EIF5B: variants seen among roughly 807,000 people sequenced by gnomAD.
The protein encoded by EIF5B is eukaryotic translation initiation factor 5B.
In EIF5B, 47 loss-of-function variants were observed where a neutral mutation model predicts 147.5. The observed-to-expected ratio is 0.32, with a 90% CI of 0.25 to 0.41. EIF5B has a LOEUF of 0.41. Among genes scored for constraint, EIF5B ranks in the 10% least tolerant of loss-of-function variants. The pLI is 1.00. For synonymous variants in EIF5B, 455 were observed against 456.2 expected (o/e 1.00, Z 0.03); for missense variants, 1,064 against 1,413.2 (o/e 0.75, Z 3.96).
In EIF5B at chr2:99,400,155, T is replaced by TATC. The variant is rs1553537403; in HGVS notation, c.*746_*748dup. 11 of 152,208 alleles carry TATC rather than the reference T, an allele frequency of 7.2e-5. No homozygotes were observed. Among genetic ancestry groups the TATC allele is most frequent in the East Asian group, 1.9e-4 (1 of 5,204 alleles). The allele number at this position is 152,208 out of a possible 1,614,324, so 9.4% of individuals were successfully genotyped here. A position where few individuals can be genotyped will look rare whatever the true frequency, so the allele number is the denominator to read the frequency against. ...ACAAGAATTATCTTACAAACTAAACTATCATCACACTACCTTGTATGCCAG... is the reference window on the plus strand; with the variant it reads ...ACAAGAATTATCTTACAAACTAAACTATCATCATCACACTACCTTGTATGCCAG... On this transcript the variant is annotated 3_prime_UTR_variant, in exon 24 of 24. Transcript: ENST00000289371.
intron 12 of EIF5B, among the ~76,000 whole-genome samples, chr2:99,380,498 A>C (rs920594352): frequency 7.2e-5 from 11 of 152,124 alleles, no homozygotes; most frequent in Non-Finnish European, 1.3e-4. Flanking sequence ...TGGTTGTCCT[A>C]GTTTTGGTTG....
intron 14 of EIF5B, among the ~76,000 whole-genome samples, chr2:99,385,133 G>A (rs1347519484): frequency 1.3e-5 from 2 of 152,060 alleles, no homozygotes; most frequent in African/African-American, 4.8e-5. Context: ...CGCAACCTCT[G>A]CCTTCCGGGT....
intron 1 of EIF5B, among the ~76,000 whole-genome samples, chr2:99,350,477 G>C (rs1193530856): frequency 1.3e-5 from 2 of 151,888 alleles, no homozygotes; most frequent in African/African-American, 4.8e-5. Flanking sequence ...GCTAGTCTAA[G>C]GTGTGATATC....
At chr2:99,338,093 A>G (rs1406773439) in intron 1 of EIF5B, among the ~76,000 whole-genome samples, 3 of 152,150 alleles carry the variant, frequency 2.0e-5, no homozygotes, top group Admixed American at 1.3e-4. Context: ...TCTCAACTTA[A>G]TCTGATTTGG....
At chr2:99,380,904 T>C (rs1674674194) in intron 12 of EIF5B, among the ~76,000 whole-genome samples, 1 of 152,240 alleles carries the variant, frequency 6.6e-6, no homozygotes, top group Non-Finnish European at 1.5e-5. Context: ...GGAAAGTCAT[T>C]GGCCACATAT....
chr2:99,337,636 G>GGAGT (rs1284676012), intron 1 of EIF5B, 47 bp downstream of exon 1: 17 of 1,580,572 alleles, frequency 1.1e-5, no homozygotes, highest in Non-Finnish European at 1.5e-5. Context: ...GTGGCTCAGT[G>GGAGT]GAGTGTGCGG....
intron 6 of EIF5B, 44 bp from the exon 7 acceptor site, chr2:99,368,449 A>G (rs772035795): frequency 7.2e-6 from 10 of 1,386,678 alleles, no homozygotes; most frequent in East Asian, 2.3e-5. Flanking sequence ...CTCAGGTGAC[A>G]TGCAAGTAGT....
intron 8 of EIF5B, 76 bp from the exon 9 acceptor site, chr2:99,371,580 A>T (rs1360538993): frequency 1.4e-5 from 17 of 1,235,828 alleles, no homozygotes; most frequent in Non-Finnish European, 1.7e-5. Flanking sequence ...TCAGAGCATA[A>T]TTTTTTACTT....
chr2:99,360,149 GA>G (rs1270551521), intron 1 of EIF5B, 86 bp from the exon 2 acceptor site: 1 of 1,462,072 alleles, frequency 6.8e-7, no homozygotes, highest in African/African-American at 1.4e-5. Flanking sequence ...GCTAATGCAT[GA>G]AAAAGGTTAA....
In EIF5B at chr2:99,369,381, C is replaced by T. The variant is rs1279950747; in HGVS notation, c.1388-11C>T. 2.5e-6 allele frequency: 4 copies of T among 1,599,814 alleles called. No homozygotes were observed. Among genetic ancestry groups the T allele is most frequent in the African/African-American group, 2.7e-5 (2 of 74,304 alleles). ...AAAAAAATATTATCTTGGTTTCTGC[C>T]CCTTTTTCAGTGTCTGAATCAATGG... On this transcript the variant is annotated splice_polypyrimidine_tract_variant and intron_variant, in intron 7 of 23. Transcript: ENST00000289371.
intron 14 of EIF5B, among the ~76,000 whole-genome samples, chr2:99,383,696 C>G (rs1674737474): frequency 6.6e-6 from 1 of 152,182 alleles, no homozygotes; most frequent in East Asian, 1.9e-4. Context: ...GAAGCTGCAA[C>G]AAGTTATCCA....
intron 17 of EIF5B, among the ~76,000 whole-genome samples, chr2:99,391,427 G>A (rs1017629741): frequency 6.6e-6 from 1 of 152,110 alleles, no homozygotes; most frequent in Non-Finnish European, 1.5e-5. Flanking sequence ...ATAAAACATT[G>A]CTCCTGAAAA....
Position 99,382,210 on chromosome 2 carries a change from G to A in EIF5B, c.2113G>A (p.Gly705Arg). 1 of 1,612,918 alleles carries A rather than the reference G, an allele frequency of 6.2e-7. No individual in the cohort carries two copies. Among genetic ancestry groups the A allele is most frequent in the Non-Finnish European group, 8.5e-7 (1 of 1,179,362 alleles). The change falls in exon 13 of 24, where the codon GGG (glycine) becomes AGG (arginine). Residue 705 changes from glycine to arginine, a missense_variant. Gly to Arg is a moderately radical substitution (Grantham distance 125). Coordinates refer to ENST00000289371, the MANE Select transcript of EIF5B (RefSeq NM_015904.4). The stretch of plus-strand genomic sequence containing the variant: ...AGGAATGCTAATTATTGATACTCCT[G>A]GGCATGAATCTTTCAGGTAAGAGCA... ...IPGMLIIDTP[G>R]HESFSNLRNR... is the part of the protein sequence containing the mutation.
chr2:99,373,887 G>A (rs1284418942), intron 9 of EIF5B, among the ~76,000 whole-genome samples: 1 of 151,888 alleles, frequency 6.6e-6, no homozygotes, highest in Non-Finnish European at 1.5e-5. Flanking sequence ...TAGTGATTAA[G>A]AAAATTTTTA....
intron 21 of EIF5B, 67 bp downstream of exon 21, chr2:99,394,950 A>G: frequency 3.5e-6 from 5 of 1,414,262 alleles, no homozygotes; most frequent in Non-Finnish European, 4.7e-6. Flanking sequence ...ACTGAATTCC[A>G]GAAAGGGCTG....
At chr2:99,357,928 A>G (rs886578593) in intron 1 of EIF5B, among the ~76,000 whole-genome samples, 26 of 152,026 alleles carry the variant, frequency 1.7e-4, no homozygotes, top group African/African-American at 5.6e-4. Context: ...TATTTATCTA[A>G]CTCATTTACA....
chr2:99,394,893 TG>T lies in EIF5B; in HGVS notation c.3254+11del. On this transcript the variant is annotated intron_variant, in intron 21 of 23. Transcript: ENST00000289371. ...AACAAGAAGAATTTAAGTAAGTTAC[TG>T]TTTTTATTTACTTTGAGTCTTTGTT... 1 of 1,556,208 alleles carries T rather than the reference TG, an allele frequency of 6.4e-7. No homozygotes were observed. The highest frequency in any genetic ancestry group is 8.7e-7 in the Non-Finnish European group (1 of 1,146,884).
chr2:99,371,974 CAG>C (rs769992309), intron 9 of EIF5B, among the ~76,000 whole-genome samples: 33 of 121,398 alleles, frequency 2.7e-4, no homozygotes, highest in Non-Finnish European at 3.5e-4. Context: ...TGCATTTTTT[CAG>C]AGTGATGATG....
At chr2:99,346,727 C>T (rs998721719) in intron 1 of EIF5B, among the ~76,000 whole-genome samples, 15 of 151,106 alleles carry the variant, frequency 9.9e-5, no homozygotes, top group African/African-American at 1.9e-4. Flanking sequence ...CCCGCCACCA[C>T]GCCCAGATAA....
Sources: allele counts gnomAD v4.1 joint callset (sites outside exome capture counted in the v4.1 genomes callset), GRCh38; gene constraint gnomAD v4.1.1; transcripts MANE v1.5; gene names NCBI Gene and HGNC (gene_info 2026-07-23, HGNC 2026-07-21).